PROCR: variants seen among roughly 807,000 people sequenced by gnomAD.
PROCR encodes the protein endothelial protein C receptor.
A neutral mutation model predicts 24.2 loss-of-function variants in PROCR; 22 were observed. The observed-to-expected ratio is 0.91, with a 90% CI of 0.65 to 1.30. The LOEUF (loss-of-function observed/expected upper bound fraction) is 1.30. Among genes scored for constraint, PROCR ranks in the 50% most tolerant of loss-of-function variants. The pLI is 0.00. For missense variants in PROCR, 288 were observed against 307.7 expected (o/e 0.94, Z 0.48); for synonymous variants, 137 against 139.2 (o/e 0.98, Z 0.11).
intron 1 of PROCR, among the ~76,000 whole-genome samples, chr20:35,182,894 C>T (rs1301514452): frequency 6.7e-6 from 1 of 150,014 alleles, no homozygotes; most frequent in Admixed American, 6.7e-5. Context: ...GAGTAGCTTG[C>T]ACCCAGGAGG....
chr20:35,195,289 T>C (rs2086205988), intron 1 of PROCR: 1 of 151,978 alleles, frequency 6.6e-6, no homozygotes, highest in South Asian at 2.1e-4. Flanking sequence ...GAGAAAAAAA[T>C]ATTTTAAAAA....
intron 1 of PROCR, among the ~76,000 whole-genome samples, chr20:35,188,639 G>A (rs369099407): frequency 1.7e-4 from 26 of 152,196 alleles, no homozygotes; most frequent in Non-Finnish European, 3.5e-4. Context: ...TGCACCTTAT[G>A]TTTGGGGAAT....
At chr20:35,189,138 G>C (rs1413074000) in intron 1 of PROCR, among the ~76,000 whole-genome samples, 1 of 152,190 alleles carries the variant, frequency 6.6e-6, no homozygotes, top group East Asian at 1.9e-4. Context: ...AGGTCTGACT[G>C]CCTGGGAGCT....
chr20:35,178,370 C>T (rs1157109678), downstream of PROCR, among the ~76,000 whole-genome samples: 1 of 127,712 alleles, frequency 7.8e-6, no homozygotes, highest in Non-Finnish European at 1.6e-5. Context: ...CACCACTGCA[C>T]TCCAGCCTGG....
chr20:35,172,107 C>G lies in PROCR; in HGVS notation c.-48C>G. On this transcript the variant is annotated 5_prime_UTR_variant, in exon 1 of 4. Transcript: ENST00000216968. ...TCCCTAGACTGCAGCCAGCGGAGCC[C>G]GCAGCCGGCCCGAGCCAGGAACCCA... The G allele has an allele frequency of 6.3e-7, 1 of 1,593,298 alleles. No individual in the cohort carries two copies. The highest frequency in any genetic ancestry group is 8.6e-7 in the Non-Finnish European group (1 of 1,161,230).
chr20:35,198,863 C>A (rs572003225), intron 1 of PROCR, among the ~76,000 whole-genome samples: 1 of 152,012 alleles, frequency 6.6e-6, no homozygotes, highest in East Asian at 1.9e-4. Flanking sequence ...TACAGGTGTA[C>A]ACCACCATGC....
At chr20:35,175,009 TGGCGGGTGGG>T (rs1314677181) in intron 2 of PROCR, 56 bp downstream of exon 2, 1 of 24,400 alleles carries the variant, frequency 4.1e-5, no homozygotes, top group Admixed American at 9.2e-4. Context: ...GGGCGGGGCC[TGGCGGGTGGG>T]GGCGGGGCCT....
chr20:35,171,950 C>G (rs1377204768), upstream of PROCR: 4 of 628,414 alleles, frequency 6.4e-6, no homozygotes, highest in South Asian at 7.1e-5. Flanking sequence ...GGAGGGAGGC[C>G]GGCCCCCTAG....
chr20:35,178,719 T>G (rs1288839591), downstream of PROCR, among the ~76,000 whole-genome samples: 1 of 140,470 alleles, frequency 7.1e-6, no homozygotes, highest in Non-Finnish European at 1.5e-5. Flanking sequence ...GTTTCACCAT[T>G]TTAGCCGGGA....
At chr20:35,213,680 A>G (rs1023939146) in intron 1 of PROCR, among the ~76,000 whole-genome samples, 2 of 152,194 alleles carry the variant, frequency 1.3e-5, no homozygotes, top group Admixed American at 6.5e-5. Flanking sequence ...AACATACAAT[A>G]TTAAAGGGAA....
intron 1 of PROCR, chr20:35,195,439 G>T (rs6060301): frequency 0.79 from 120,495 of 152,080 alleles, 48,180 homozygotes; most frequent in African/African-American, 0.89. Context: ...TTAAAAAAAT[G>T]TTTTTAAACA....
intron 1 of PROCR, among the ~76,000 whole-genome samples, chr20:35,205,911 C>T (rs1056767288): frequency 6.8e-6 from 1 of 148,024 alleles, no homozygotes; most frequent in African/African-American, 2.5e-5. Context: ...CGGTGATCCC[C>T]CCCCCAACCT....
intron 1 of PROCR, among the ~76,000 whole-genome samples, chr20:35,207,736 G>A (rs1345893246): frequency 6.6e-6 from 1 of 151,946 alleles, no homozygotes; most frequent in Non-Finnish European, 1.5e-5. Context: ...CTCCATGTTG[G>A]TCAGGCTGGT....
intron 1 of PROCR, among the ~76,000 whole-genome samples, chr20:35,198,291 C>G (rs1281659220): frequency 6.9e-6 from 1 of 144,932 alleles, no homozygotes; most frequent in Non-Finnish European, 1.5e-5. Flanking sequence ...GACTCTGTCT[C>G]AAAAAAAAAA....
At chr20:35,194,802 G>A (rs1033306555) in intron 1 of PROCR, among the ~76,000 whole-genome samples, 10 of 152,106 alleles carry the variant, frequency 6.6e-5, no homozygotes, top group African/African-American at 2.2e-4. Context: ...CAGCAGGTGA[G>A]ACAAAGCTTG....
At chr20:35,171,770 G>A (rs2085952179), upstream of PROCR, among the ~76,000 whole-genome samples, 1 of 152,200 alleles carries the variant, frequency 6.6e-6, no homozygotes, top group African/African-American at 2.4e-5. Context: ...TGTGCTCTAA[G>A]TTGAAAGTAG....
intron 1 of PROCR, chr20:35,202,012 A>G (rs1178077204): frequency 6.6e-6 from 1 of 152,194 alleles, no homozygotes; most frequent in Non-Finnish European, 1.5e-5. Context: ...AATAGATGGA[A>G]ATCAAAAAGG....
chr20:35,189,390 C>A (rs2086154600), intron 1 of PROCR, among the ~76,000 whole-genome samples: 1 of 152,256 alleles, frequency 6.6e-6, no homozygotes, highest in Non-Finnish European at 1.5e-5. Context: ...GAAATTCCAG[C>A]CTGGCGAATT....
At chr20:35,182,841 G>A (rs2086089223) in intron 1 of PROCR, among the ~76,000 whole-genome samples, 1 of 151,996 alleles carries the variant, frequency 6.6e-6, no homozygotes, top group African/African-American at 2.4e-5. Context: ...AGGCATGGTG[G>A]CACGTGCCTG....
Sources: allele counts gnomAD v4.1 joint callset (sites outside exome capture counted in the v4.1 genomes callset), GRCh38; gene constraint gnomAD v4.1.1; transcripts MANE v1.5; gene names NCBI Gene and HGNC (gene_info 2026-07-23, HGNC 2026-07-21).